FCHSD2: variants seen among roughly 807,000 people sequenced by gnomAD.
FCHSD2 encodes the protein F-BAR and double SH3 domains protein 2.
In FCHSD2, 38 loss-of-function variants were observed where a neutral mutation model predicts 108.1. That is an observed-to-expected ratio of 0.35 (90% CI 0.27 to 0.46). The LOEUF (loss-of-function observed/expected upper bound fraction) is 0.46, where lower values mean the gene tolerates loss of function less well. Ranked by LOEUF, FCHSD2 falls within the 20% of genes least tolerant of loss-of-function variation. FCHSD2 has a pLI of 1.00. For missense variants in FCHSD2, 751 were observed against 897.8 expected, an observed-to-expected ratio of 0.84 and a Z score of 2.09; for synonymous variants, 279 against 314.7, an observed-to-expected ratio of 0.89 and a Z score of 1.20.
intron 8 of FCHSD2, 101 bp downstream of exon 8, chr11:72,983,987 G>T: frequency 1.1e-6 from 1 of 875,940 alleles, no homozygotes; most frequent in Non-Finnish European, 1.8e-6. Flanking sequence ...ACATAGCCTG[G>T]CTACTCTTTT....
At chr11:72,899,577 AAAAATAAAATAAAAC>A (rs1479281781) in intron 10 of FCHSD2, among the ~76,000 whole-genome samples, 1 of 151,986 alleles carries the variant, frequency 6.6e-6, no homozygotes, top group Non-Finnish European at 1.5e-5. Context: ...TACCAAAAAT[AAAAATAAAATAAAAC>A]AAAATAAAAT....
At chr11:72,938,216 T>C (rs969842782) in intron 8 of FCHSD2, among the ~76,000 whole-genome samples, 1 of 151,152 alleles carries the variant, frequency 6.6e-6, no homozygotes. Context: ...GGAGTTTTGC[T>C]CTTGTTGCCC....
chr11:73,054,221 AG>A (rs1858968333), intron 3 of FCHSD2, among the ~76,000 whole-genome samples: 1 of 150,964 alleles, frequency 6.6e-6, no homozygotes, highest in Non-Finnish European at 1.5e-5. Context: ...GGTCCTTTGC[AG>A]AAAAAAAAAA....
chr11:72,943,094 T>C (rs6592501), intron 8 of FCHSD2, among the ~76,000 whole-genome samples: 151,842 of 152,314 alleles, frequency 1, 75,686 homozygotes, highest in Middle Eastern at 1. Context: ...CGGGTTCAAG[T>C]GATTCTCCTT....
In FCHSD2 at chr11:73,015,837, C is replaced by T. The variant is rs778441137; in HGVS notation, c.214G>A (p.Val72Ile). 1.2e-6 allele frequency: 2 copies of T among 1,606,746 alleles called. No individual in the cohort carries two copies. Among genetic ancestry groups the T allele is most frequent in the Non-Finnish European group, 1.7e-6 (2 of 1,175,784 alleles). The change falls in exon 4 of 20, where the codon GTA (valine) becomes ATA (isoleucine). Residue 72 changes from valine to isoleucine, a missense_variant. Val to Ile is a conservative substitution (Grantham distance 29, BLOSUM62 3). Coordinates refer to ENST00000409418, the MANE Select transcript of FCHSD2 (RefSeq NM_014824.3). Reference sequence around the variant, plus strand: ...TAATCATTCCGATCATCAGCTTTTACTCCAGGCCAATCTCTCTTCAGGTAT... The same window carrying T: ...TAATCATTCCGATCATCAGCTTTTATTCCAGGCCAATCTCTCTTCAGGTAT... ...SQYLKRDWPG[V>I]KADDRNDYRS...
At chr11:72,964,007 G>A (rs1856861088) in intron 8 of FCHSD2, among the ~76,000 whole-genome samples, 1 of 152,186 alleles carries the variant, frequency 6.6e-6, no homozygotes, top group African/African-American at 2.4e-5. Context: ...TAACCAGAGG[G>A]CTCTATCCAT....
chr11:72,851,340 T>G (rs915431862), intron 13 of FCHSD2, among the ~76,000 whole-genome samples: 1 of 152,200 alleles, frequency 6.6e-6, no homozygotes, highest in African/African-American at 2.4e-5. Flanking sequence ...ACTGCAACAC[T>G]GCCTGTAGTG....
At chr11:72,905,903 G>A (rs1216827515) in intron 9 of FCHSD2, among the ~76,000 whole-genome samples, 1 of 152,152 alleles carries the variant, frequency 6.6e-6, no homozygotes, top group Non-Finnish European at 1.5e-5. Flanking sequence ...AAACATATGT[G>A]TGCATGTGTC....
At chr11:72,971,063 A>AC in intron 8 of FCHSD2, among the ~76,000 whole-genome samples, 1 of 151,712 alleles carries the variant, frequency 6.6e-6, no homozygotes, top group Non-Finnish European at 1.5e-5. Context: ...ATCCCTACTG[A>AC]CCCCCCTGCC....
At chr11:73,099,015 G>C (rs1044459509) in intron 2 of FCHSD2, among the ~76,000 whole-genome samples, 1 of 152,098 alleles carries the variant, frequency 6.6e-6, no homozygotes, top group Admixed American at 6.6e-5. Flanking sequence ...GGAGTTCAAA[G>C]CCAGCCTGGC....
intron 2 of FCHSD2, among the ~76,000 whole-genome samples, chr11:73,128,999 G>A (rs1350419930): frequency 6.6e-6 from 1 of 152,114 alleles, no homozygotes; most frequent in Non-Finnish European, 1.5e-5. Context: ...AGCCTCCCCA[G>A]TAGCTGGGAC....
At chr11:72,901,828 A>C (rs1188064694) in intron 10 of FCHSD2, among the ~76,000 whole-genome samples, 1 of 152,152 alleles carries the variant, frequency 6.6e-6, no homozygotes, top group Non-Finnish European at 1.5e-5. Context: ...AATATTTCAT[A>C]CACATGTTCA....
intron 14 of FCHSD2, among the ~76,000 whole-genome samples, chr11:72,846,181 C>CTTTTTTTTTTTTT (rs35708688): frequency 7.3e-6 from 1 of 137,120 alleles, no homozygotes; most frequent in Non-Finnish European, 1.6e-5. Flanking sequence ...TCCTTTTGCT[C>CTTTTTTTTTTTTT]TTTTTTTTTT....
At chr11:72,916,438 G>A (rs1296208906) in intron 9 of FCHSD2, among the ~76,000 whole-genome samples, 3 of 151,496 alleles carry the variant, frequency 2.0e-5, no homozygotes, top group Admixed American at 6.6e-5. Flanking sequence ...TGGGCCTCCC[G>A]AGTAGTTGGG....
At chr11:72,987,288 AC>A (rs1048628609) in intron 6 of FCHSD2, among the ~76,000 whole-genome samples, 1 of 152,108 alleles carries the variant, frequency 6.6e-6, no homozygotes, top group Non-Finnish European at 1.5e-5. Flanking sequence ...TCCAAACATC[AC>A]TTCTTCTATA....
intron 2 of FCHSD2, among the ~76,000 whole-genome samples, chr11:73,086,200 G>A (rs549336915): frequency 6.6e-6 from 1 of 152,282 alleles, no homozygotes; most frequent in East Asian, 1.9e-4. Flanking sequence ...CTTGAGGCCA[G>A]GAGTTTAAGA....
chr11:72,893,371 G>C (rs376904269), intron 10 of FCHSD2, among the ~76,000 whole-genome samples: 1 of 151,924 alleles, frequency 6.6e-6, no homozygotes, highest in African/African-American at 2.4e-5. Flanking sequence ...GCTGGAGTGC[G>C]GTGGTGCAAT....
chr11:73,108,284 C>A (rs759071112), intron 2 of FCHSD2, among the ~76,000 whole-genome samples: 38 of 152,218 alleles, frequency 2.5e-4, no homozygotes, highest in Non-Finnish European at 4.3e-4. Context: ...TGTTTAAGCT[C>A]ATTACATATT....
intron 4 of FCHSD2, among the ~76,000 whole-genome samples, chr11:73,014,590 T>C (rs1352993109): frequency 6.6e-6 from 1 of 152,186 alleles, no homozygotes; most frequent in African/African-American, 2.4e-5. Flanking sequence ...TGCCACATTC[T>C]TAAGAAATCA....
Sources: allele counts gnomAD v4.1 joint callset (sites outside exome capture counted in the v4.1 genomes callset), GRCh38; gene constraint gnomAD v4.1.1; transcripts MANE v1.5; gene names NCBI Gene and HGNC (gene_info 2026-07-23, HGNC 2026-07-21).